Variants in STAT4 observed in about 807,000 individuals in gnomAD.
STAT4 encodes the protein signal transducer and activator of transcription 4.
STAT4 carries 42 observed loss-of-function variants against 110.5 expected under a neutral mutation model. The ratio of observed to expected loss-of-function variants is 0.38; its 90% CI spans 0.30 to 0.49. STAT4 has a LOEUF of 0.49. Among genes scored for constraint, STAT4 ranks in the 20% least tolerant of loss-of-function variants. STAT4 has a pLI of 0.95. For synonymous variants in STAT4, 284 were observed against 302.2 expected, an observed-to-expected ratio of 0.94 and a Z score of 0.63; for missense variants, 632 against 887.9, an observed-to-expected ratio of 0.71 and a Z score of 3.66.
In STAT4 at chr2:191,062,651, A is replaced by T; in HGVS notation, c.941+111T>A. ...CTGGGGTTCTATTCACTTCTCCCTGAGGCTCGTTGTTGAATACTTCCCTGC... is the reference window on the plus strand; with the variant it reads ...CTGGGGTTCTATTCACTTCTCCCTGTGGCTCGTTGTTGAATACTTCCCTGC... On this transcript the variant is annotated intron_variant, in intron 9 of 23. Transcript: ENST00000392320. The surrounding 1 kb of genome is among the most constrained non-coding windows in gnomAD (Gnocchi z 4.9). 8.5e-7 allele frequency: 1 copy of T among 1,179,262 alleles called. No individual in the cohort carries two copies. Among genetic ancestry groups the T allele is most frequent in the Non-Finnish European group, 1.2e-6 (1 of 825,386 alleles). 73.0% of individuals were successfully genotyped at this position (1,179,262 alleles called of 1,614,324 possible).
intron 3 of STAT4, among the ~76,000 whole-genome samples, chr2:191,128,934 TA>T (rs1478530162): frequency 6.6e-6 from 1 of 152,210 alleles, no homozygotes; most frequent in Admixed American, 6.5e-5. Context: ...TCCCATAATT[TA>T]AAAAGCAAAA....
intron 15 of STAT4, among the ~76,000 whole-genome samples, 172 bp downstream of exon 15, chr2:191,040,892 AC>A (rs1696179360): frequency 6.6e-6 from 1 of 152,222 alleles, no homozygotes. Context: ...TATATATTTA[AC>A]CAAAATATTA....
chr2:191,065,817 T>C (rs1696972389), intron 7 of STAT4, among the ~76,000 whole-genome samples: 1 of 152,178 alleles, frequency 6.6e-6, no homozygotes, highest in South Asian at 2.1e-4. Flanking sequence ...GATTTATCAG[T>C]GACTGGTTAA....
chr2:191,041,036 TA>T, intron 15 of STAT4, 28 bp downstream of exon 15: 1 of 1,362,658 alleles, frequency 7.3e-7, no homozygotes, highest in South Asian at 2.1e-5. Context: ...ATGCCATTAG[TA>T]AATAGTGTAT....
rs1433052844 is a variant in STAT4 at position 191,150,906 on chromosome 2, C to T, written c.-2+41G>A. 3 of 984,896 alleles carry T rather than the reference C, an allele frequency of 3.0e-6. No homozygotes were observed. Among genetic ancestry groups the T allele is most frequent in the African/African-American group, 3.5e-5 (2 of 57,230 alleles). 61.0% of individuals were successfully genotyped at this position (984,896 alleles called of 1,614,324 possible). ...GTATCCTGCATAATAAGCATGTCCT[C>T]CTTACAAGAGGCAGCCAGAAGGTGT... On this transcript the variant is annotated intron_variant, in intron 1 of 23. Coordinates refer to ENST00000392320, the MANE Select transcript of STAT4 (RefSeq NM_003151.4). The surrounding 1 kb of genome is among the most constrained non-coding windows in gnomAD (Gnocchi z 6.4).
rs1697638462 is a variant in STAT4 at position 191,086,440 on chromosome 2, C to T, written c.274-10115G>A. On this transcript the variant is annotated intron_variant, in intron 3 of 23. Coordinates refer to ENST00000392320, the MANE Select transcript of STAT4 (RefSeq NM_003151.4). The surrounding 1 kb of genome is among the most constrained non-coding windows in gnomAD (Gnocchi z 5.5). Reference sequence around the variant, plus strand: ...TTTTTAAATAAAAGTTCCAGCAAAGCTAATTTTAAAAAGAGCCTGTATAGC... The same window carrying T: ...TTTTTAAATAAAAGTTCCAGCAAAGTTAATTTTAAAAAGAGCCTGTATAGC... 6.6e-6 allele frequency among the ~76,000 whole-genome samples: 1 copy of T among 152,124 alleles called. No homozygotes were observed. Among genetic ancestry groups the T allele is most frequent in the Non-Finnish European group, 1.5e-5 (1 of 67,998 alleles).
chr2:191,120,783 A>T (rs1371137155), intron 3 of STAT4, among the ~76,000 whole-genome samples: 1 of 152,228 alleles, frequency 6.6e-6, no homozygotes, highest in Non-Finnish European at 1.5e-5. Context: ...TTCAAGATGG[A>T]TTACTTAAAT....
At chr2:191,054,839 T>C (rs1378840803) in intron 13 of STAT4, among the ~76,000 whole-genome samples, 1 of 152,184 alleles carries the variant, frequency 6.6e-6, no homozygotes, top group Non-Finnish European at 1.5e-5. Flanking sequence ...CAGCACTCCT[T>C]GGCGCCTGGA....
In STAT4 at chr2:191,143,678, T is replaced by A. The variant is rs1699390557; in HGVS notation, c.273+2935A>T. ...TATACATCCCTTAGTTCCCCAGGTATCATATTGTTTACTCCTTTTTGCTGT... is the reference window on the plus strand; with the variant it reads ...TATACATCCCTTAGTTCCCCAGGTAACATATTGTTTACTCCTTTTTGCTGT... On this transcript the variant is annotated intron_variant, in intron 3 of 23. Coordinates refer to ENST00000392320, the MANE Select transcript of STAT4 (RefSeq NM_003151.4). This position sits in a 1 kb window ranked among gnomAD's most constrained non-coding sequence, Gnocchi z 5.6. Among the ~76,000 whole-genome samples the A allele has an allele frequency of 6.6e-6, 1 of 152,192 alleles. No homozygotes were observed. Among genetic ancestry groups the A allele is most frequent in the South Asian group, 2.1e-4 (1 of 4,836 alleles).
chr2:191,033,900 C>T lies in STAT4; in HGVS notation c.1715+11G>A, dbSNP rs771480137. 6.3e-6 allele frequency: 10 copies of T among 1,586,276 alleles called. No individual in the cohort carries two copies. Among genetic ancestry groups the T allele is most frequent in the South Asian group, 2.3e-5 (2 of 87,068 alleles). ...AATTAACTCATATGAAAAATATAGC[C>T]TATAACTTACCCATCAATCCAAAGG... is the stretch of plus-strand genomic sequence containing the variant. On this transcript the variant is annotated intron_variant, in intron 19 of 23. Transcript: ENST00000392320. The surrounding 1 kb of genome is among the most constrained non-coding windows in gnomAD (Gnocchi z 6.9).
chr2:191,043,202 A>G lies in STAT4; in HGVS notation c.1252-2054T>C, dbSNP rs1394578451. Among the ~76,000 whole-genome samples the G allele has an allele frequency of 6.6e-6, 1 of 152,274 alleles. No individual in the cohort carries two copies. The highest frequency in any genetic ancestry group is 2.4e-5 in the African/African-American group (1 of 41,480). ...TTATTGTAAGAAACATTCTGAAAAT[A>G]ATAAAGAACCACTTAAAATATAATA... On this transcript the variant is annotated intron_variant, in intron 14 of 23. Transcript: ENST00000392320. This position sits in a 1 kb window ranked among gnomAD's most constrained non-coding sequence, Gnocchi z 4.8.
chr2:191,147,615 G>T lies in STAT4; in HGVS notation c.128+461C>A, dbSNP rs181015441. ...TGGTTGCATAATAATGTGAATATAT[G>T]TAATGCCACTGAATAGTACACCAAA... On this transcript the variant is annotated intron_variant, in intron 2 of 23. Coordinates refer to ENST00000392320, the MANE Select transcript of STAT4 (RefSeq NM_003151.4). This position sits in a 1 kb window ranked among gnomAD's most constrained non-coding sequence, Gnocchi z 4.1. Among the ~76,000 whole-genome samples the T allele has an allele frequency of 4.7e-3, 717 of 152,126 alleles. 2 individuals carry two copies. Among genetic ancestry groups the T allele is most frequent in the African/African-American group, 0.017 (696 of 41,520 alleles).
chr2:191,059,592 CAA>C lies in STAT4; in HGVS notation c.1035-825_1035-824del, dbSNP rs1390303198. On this transcript the variant is annotated intron_variant, in intron 10 of 23. Coordinates refer to ENST00000392320, the MANE Select transcript of STAT4 (RefSeq NM_003151.4). This position sits in a 1 kb window ranked among gnomAD's most constrained non-coding sequence, Gnocchi z 4.7. ...CTTAGGTACTAGAGAACTGATGTAG[CAA>C]AGACTGCAGAAGGGAGAAACGTGGA... 1.3e-5 allele frequency among the ~76,000 whole-genome samples: 2 copies of C among 152,188 alleles called. No individual in the cohort carries two copies. Among genetic ancestry groups the C allele is most frequent in the East Asian group, 3.8e-4 (2 of 5,198 alleles).
At chr2:191,132,624 G>C (rs1559081629) in intron 3 of STAT4, among the ~76,000 whole-genome samples, 1 of 151,814 alleles carries the variant, frequency 6.6e-6, no homozygotes, top group Non-Finnish European at 1.5e-5. Context: ...GGCAGGTGGG[G>C]ATGGGAACGA....
rs550648878 is a variant in STAT4 at position 191,146,876 on chromosome 2, A to T, written c.129-119T>A. ...ATGGTGATAAGCATTTAAAAGTTTT[A>T]AAAAATTAAATTGTTAACATGAAGA... On this transcript the variant is annotated intron_variant, in intron 2 of 23. Coordinates refer to ENST00000392320, the MANE Select transcript of STAT4 (RefSeq NM_003151.4). The surrounding 1 kb of genome is among the most constrained non-coding windows in gnomAD (Gnocchi z 4.5). 3 of 972,352 alleles carry T rather than the reference A, an allele frequency of 3.1e-6. No individual in the cohort carries two copies. Among genetic ancestry groups the T allele is most frequent in the Admixed American group, 3.8e-5 (1 of 26,026 alleles). The allele number at this position is 972,352 out of a possible 1,614,324, so 60.2% of individuals were successfully genotyped here. A position where few individuals can be genotyped will look rare whatever the true frequency, so the allele number is the denominator to read the frequency against.
intron 3 of STAT4, among the ~76,000 whole-genome samples, chr2:191,126,401 A>G (rs1698880282): frequency 6.6e-6 from 1 of 152,212 alleles, no homozygotes; most frequent in Non-Finnish European, 1.5e-5. Context: ...GAAAGACACA[A>G]TTATCCTACT....
At chr2:191,088,972 C>G (rs970122022) in intron 3 of STAT4, among the ~76,000 whole-genome samples, 30 of 151,986 alleles carry the variant, frequency 2.0e-4, no homozygotes, top group African/African-American at 6.8e-4. Flanking sequence ...ATGTAAAATG[C>G]AAAACTATAA....
Position 191,107,802 on chromosome 2 carries a change from C to T in STAT4, c.274-31477G>A, listed in dbSNP as rs372235777. 2.6e-5 allele frequency among the ~76,000 whole-genome samples: 4 copies of T among 152,182 alleles called. No homozygotes were observed. The highest frequency in any genetic ancestry group is 4.4e-5 in the Non-Finnish European group (3 of 68,006). ...ACGTATGGTCACAGGAAGAGAATCT[C>T]GATGATAGTTTTAGTTTTTCAGCAA... On this transcript the variant is annotated intron_variant, in intron 3 of 23. Coordinates refer to ENST00000392320, the MANE Select transcript of STAT4 (RefSeq NM_003151.4). The surrounding 1 kb of genome is among the most constrained non-coding windows in gnomAD (Gnocchi z 4.2).
At chr2:191,133,878 C>G (rs958336800) in intron 3 of STAT4, among the ~76,000 whole-genome samples, 1 of 148,126 alleles carries the variant, frequency 6.8e-6, no homozygotes, top group Admixed American at 6.6e-5. Flanking sequence ...AATGAATAAA[C>G]AAACTAGGGT....
Sources: allele counts gnomAD v4.1 joint callset (sites outside exome capture counted in the v4.1 genomes callset), GRCh38; gene constraint gnomAD v4.1.1; non-coding constraint Gnocchi (gnomAD v3.1); transcripts MANE v1.5; gene names NCBI Gene and HGNC (gene_info 2026-07-23, HGNC 2026-07-21).